RAD54B: variants seen among roughly 807,000 people sequenced by gnomAD.
RAD54B encodes the protein RAD54 homolog B.
Under a neutral mutation model 95.8 loss-of-function variants are expected in RAD54B, and 78 were observed. The ratio of observed to expected loss-of-function variants is 0.81; its 90% CI spans 0.68 to 0.98. RAD54B has a LOEUF of 0.98. Among genes scored for constraint, RAD54B ranks in the 50% least tolerant of loss-of-function variants. RAD54B has a pLI of 0.00. For synonymous variants in RAD54B, 328 were observed against 354.9 expected (o/e 0.92, Z 0.85); for missense variants, 957 against 1,056.6 (o/e 0.91, Z 1.31).
At chr8:94,379,004 A>G (rs2129951493) in intron 12 of RAD54B, among the ~76,000 whole-genome samples, 1 of 152,328 alleles carries the variant, frequency 6.6e-6, no homozygotes, top group East Asian at 1.9e-4. Context: ...AGAACTACCT[A>G]GGATACATGT....
At chr8:94,419,368 C>T (rs1246503835) in intron 3 of RAD54B, among the ~76,000 whole-genome samples, 4 of 152,072 alleles carry the variant, frequency 2.6e-5, no homozygotes, top group South Asian at 2.1e-4. Context: ...ATTAGCCAGG[C>T]GTGGTGGCAG....
chr8:94,388,560 G>A (rs537032770), intron 10 of RAD54B, among the ~76,000 whole-genome samples: 40 of 152,164 alleles, frequency 2.6e-4, no homozygotes, highest in Non-Finnish European at 5.0e-4. Context: ...GTTTAAGATC[G>A]AATGACTTTT....
chr8:94,418,113 T>C (rs913138297), intron 3 of RAD54B, among the ~76,000 whole-genome samples: 7 of 152,256 alleles, frequency 4.6e-5, no homozygotes, highest in Admixed American at 1.3e-4. Context: ...AATGTGCTTC[T>C]AAATGTCCCA....
chr8:94,468,440 G>A (rs960999060), intron 1 of RAD54B, among the ~76,000 whole-genome samples: 2 of 151,976 alleles, frequency 1.3e-5, no homozygotes, highest in African/African-American at 4.8e-5. Flanking sequence ...CCGGCGTGGT[G>A]GTTCATGCCT....
chr8:94,472,553 G>A (rs1563669990), intron 1 of RAD54B, among the ~76,000 whole-genome samples: 1 of 152,192 alleles, frequency 6.6e-6, no homozygotes, highest in East Asian at 1.9e-4. Context: ...TCCACATCAT[G>A]AAATGTAATC....
intron 3 of RAD54B, among the ~76,000 whole-genome samples, chr8:94,455,418 C>A (rs540790095): frequency 3.2e-4 from 48 of 152,282 alleles, no homozygotes; most frequent in African/African-American, 1.0e-3. Flanking sequence ...AACATTCCTG[C>A]CTTTGCATGT....
At chr8:94,431,475 G>T (rs1586165112) in intron 3 of RAD54B, 2 of 982,014 alleles carry the variant, frequency 2.0e-6, no homozygotes, top group East Asian at 1.1e-4. Context: ...ATGTTTTAGT[G>T]GATATTTACT....
chr8:94,429,491 T>C (rs1812031238), intron 3 of RAD54B: 1 of 983,966 alleles, frequency 1.0e-6, no homozygotes, highest in South Asian at 4.7e-5. Flanking sequence ...AAAGCCAACA[T>C]TTAAATTGAA....
intron 3 of RAD54B, chr8:94,431,872 G>T (rs1231942841): frequency 2.6e-6 from 3 of 1,141,936 alleles, no homozygotes; most frequent in Non-Finnish European, 3.3e-6. Context: ...TTAGTGATCA[G>T]AATAAAATAT....
At chr8:94,427,690 G>T in intron 3 of RAD54B, 2 of 980,634 alleles carry the variant, frequency 2.0e-6, no homozygotes, top group Non-Finnish European at 2.4e-6. Context: ...TGTCTTAACG[G>T]CACACAAAAA....
At chr8:94,416,666 T>C (rs947468744) in intron 3 of RAD54B, among the ~76,000 whole-genome samples, 11 of 152,018 alleles carry the variant, frequency 7.2e-5, no homozygotes, top group African/African-American at 2.4e-4. Context: ...AGAAAATACA[T>C]ATTAAAAACC....
At chr8:94,401,307 G>GCC (rs1811264807) in intron 6 of RAD54B, among the ~76,000 whole-genome samples, 2 of 151,852 alleles carry the variant, frequency 1.3e-5, no homozygotes, top group Non-Finnish European at 2.9e-5. Context: ...CGCCACCTCT[G>GCC]CCACTCCTGA....
intron 3 of RAD54B, among the ~76,000 whole-genome samples, chr8:94,413,840 CT>C (rs71273333): frequency 0.85 from 111,682 of 131,532 alleles, 47,765 homozygotes; most frequent in Non-Finnish European, 0.92. Context: ...TTTTTTTTTT[CT>C]TTTTTTTTTT....
At chr8:94,442,218 G>A (rs1812412343) in intron 3 of RAD54B, among the ~76,000 whole-genome samples, 1 of 152,176 alleles carries the variant, frequency 6.6e-6, no homozygotes, top group African/African-American at 2.4e-5. Context: ...GACTTGATTA[G>A]TGGTTGCCAG....
At chr8:94,433,852 C>T (rs1812187473) in intron 3 of RAD54B, among the ~76,000 whole-genome samples, 1 of 151,532 alleles carries the variant, frequency 6.6e-6, no homozygotes, top group African/African-American at 2.4e-5. Flanking sequence ...ATACATTCTA[C>T]ATGGATGATT....
At chr8:94,390,133 A>G (rs1406003944) in intron 10 of RAD54B, among the ~76,000 whole-genome samples, 1 of 152,052 alleles carries the variant, frequency 6.6e-6, no homozygotes, top group Non-Finnish European at 1.5e-5. Flanking sequence ...TGAGCTCAGG[A>G]GTTCGAGACC....
chr8:94,429,399 T>C (rs1178228689), intron 3 of RAD54B: 1 of 859,084 alleles, frequency 1.2e-6, no homozygotes, highest in African/African-American at 1.8e-5. Flanking sequence ...GCACTTTTTT[T>C]TAACACAGAT....
intron 1 of RAD54B, among the ~76,000 whole-genome samples, chr8:94,473,134 A>G (rs1373835995): frequency 6.6e-6 from 1 of 152,206 alleles, no homozygotes; most frequent in Non-Finnish European, 1.5e-5. Context: ...CTGTATGTTC[A>G]TATTGTCCTG....
intron 3 of RAD54B, chr8:94,431,448 A>C (rs1301580669): frequency 1.0e-6 from 1 of 980,612 alleles, no homozygotes; most frequent in Non-Finnish European, 1.2e-6. Flanking sequence ...AATGCTTCTA[A>C]TATTTAAATC....
Sources: gnomAD v4.1 joint callset for allele counts (sites outside exome capture counted in the v4.1 genomes callset) on GRCh38, gnomAD v4.1.1 for gene constraint, MANE v1.5 for transcripts, NCBI Gene and HGNC (gene_info 2026-07-23, HGNC 2026-07-21) for gene names.